The following SMARCA4 variants were observed in gnomAD, a reference collection of about 807,000 sequenced individuals.
SMARCA4 encodes the protein SWI/SNF-related matrix-associated actin-dependent regulator of chromatin subfamily A member 4.
Under a neutral mutation model 193.9 loss-of-function variants are expected in SMARCA4, and 31 were observed. The observed-to-expected ratio is 0.16, with a 90% CI of 0.12 to 0.22. The LOEUF is 0.22. SMARCA4 is among the 10% of genes least tolerant of loss of function. The pLI, the probability that SMARCA4 is intolerant of heterozygous loss-of-function variation, is 1.00. For missense variants in SMARCA4, 1,148 were observed against 2,296.0 expected (o/e 0.50, Z 10.22); for synonymous variants, 942 against 933.1 (o/e 1.01, Z -0.17).
intron 1 of SMARCA4, among the ~76,000 whole-genome samples, chr19:10,962,946 C>A (rs1469557509): frequency 1.3e-5 from 2 of 152,108 alleles, no homozygotes; most frequent in Non-Finnish European, 2.9e-5. Context: ...CCCCCAGCAC[C>A]GTGAGAGCTG....
At chr19:10,964,703 C>T (rs1296125359) in intron 1 of SMARCA4, among the ~76,000 whole-genome samples, 1 of 151,840 alleles carries the variant, frequency 6.6e-6, no homozygotes, top group Non-Finnish European at 1.5e-5. Context: ...CTGCAACCTC[C>T]GCCTCCTGGT....
intron 21 of SMARCA4, 50 bp from the exon 22 acceptor site, chr19:11,025,372 C>A (rs2146493568): frequency 4.6e-6 from 6 of 1,313,246 alleles, no homozygotes; most frequent in Non-Finnish European, 6.6e-6. Context: ...AAGCCCACCC[C>A]ACCCCAGGAG....
Position 11,034,907 on chromosome 19 carries a change from C to G in SMARCA4, c.3952-7C>G. The G allele has an allele frequency of 6.4e-7, 1 of 1,550,732 alleles. No homozygotes were observed. The highest frequency in any genetic ancestry group is 8.7e-7 in the Non-Finnish European group (1 of 1,146,564). ...GATGCCTCTCCCGTTGCCTCCCTGC[C>G]CACCAGCGCATGGACCTGGACCGCA... On this transcript the variant is annotated splice_region_variant and splice_polypyrimidine_tract_variant and intron_variant, in intron 28 of 34. Coordinates refer to ENST00000344626, the MANE Select transcript of SMARCA4 (RefSeq NM_003072.5). This position sits in a 1 kb window ranked among gnomAD's most constrained non-coding sequence, Gnocchi z 7.0.
chr19:10,991,861 G>A (rs2086590277), intron 8 of SMARCA4, among the ~76,000 whole-genome samples: 1 of 152,172 alleles, frequency 6.6e-6, no homozygotes, highest in Non-Finnish European at 1.5e-5. Flanking sequence ...GAGCTGCATG[G>A]AGGATTTGGG....
In SMARCA4 at chr19:10,985,425, C is replaced by T; in HGVS notation, c.355+20C>T. 1 of 1,613,092 alleles carries T rather than the reference C, an allele frequency of 6.2e-7. No individual in the cohort carries two copies. The highest frequency in any genetic ancestry group is 1.1e-5 in the South Asian group (1 of 90,938). On this transcript the variant is annotated intron_variant, in intron 3 of 34. Coordinates refer to ENST00000344626, the MANE Select transcript of SMARCA4 (RefSeq NM_003072.5). This position sits in a 1 kb window ranked among gnomAD's most constrained non-coding sequence, Gnocchi z 4.5. The stretch of plus-strand genomic sequence containing the variant: ...CCCAAGGTACAGAACTGCGTTCCTT[C>T]CTGCCTTGTGTTTGTCATACTCCAG...
chr19:11,019,291 C>G lies in SMARCA4; in HGVS notation c.2505+268C>G, dbSNP rs925425727. 1 of 608,180 alleles carries G rather than the reference C, an allele frequency of 1.6e-6. No individual in the cohort carries two copies. Among genetic ancestry groups the G allele is most frequent in the Non-Finnish European group, 2.9e-6 (1 of 340,522 alleles). The allele number at this position is 608,180 out of a possible 1,614,324, so 37.7% of individuals were successfully genotyped here. On this transcript the variant is annotated intron_variant, in intron 17 of 34. Coordinates refer to ENST00000344626, the MANE Select transcript of SMARCA4 (RefSeq NM_003072.5). The surrounding 1 kb of genome is among the most constrained non-coding windows in gnomAD (Gnocchi z 6.1). ...CAGCTCAGGCGCCTGAGATGGGGAC[C>G]CAGGAAGAGGGGAGCCTGTCAGCCA...
rs1568504470 is a variant in SMARCA4, at chr19:11,030,950, CGA to C, written c.3546+59_3546+60del. On this transcript the variant is annotated intron_variant, in intron 25 of 34. Coordinates refer to ENST00000344626, the MANE Select transcript of SMARCA4 (RefSeq NM_003072.5). This position sits in a 1 kb window ranked among gnomAD's most constrained non-coding sequence, Gnocchi z 5.5. ...AAGGAAGGGGGTGCCTGCAAAACCTCGAGGAGACGGCCCTGGCTTGAGGGTCC... is the reference window on the plus strand; with the variant it reads ...AAGGAAGGGGGTGCCTGCAAAACCTCGGAGACGGCCCTGGCTTGAGGGTCC... The C allele has an allele frequency of 1.3e-6, 2 of 1,526,718 alleles. No homozygotes were observed. Among genetic ancestry groups the C allele is most frequent in the Non-Finnish European group, 1.8e-6 (2 of 1,118,402 alleles). 94.6% of individuals were successfully genotyped at this position (1,526,718 alleles called of 1,614,324 possible). A position where few individuals can be genotyped will look rare whatever the true frequency, so the allele number is the denominator to read the frequency against.
In SMARCA4 at chr19:11,041,436, G is replaced by A. The variant is rs756599243; in HGVS notation, c.4300G>A (p.Asp1434Asn). Residue 1434 changes from aspartate (D) to asparagine (N), a missense_variant, in exon 30 of 35, where the codon GAC becomes AAC. Coordinates refer to ENST00000344626, the MANE Select transcript of SMARCA4 (RefSeq NM_003072.5). The surrounding 1 kb of genome is among the most constrained non-coding windows in gnomAD (Gnocchi z 5.6). ...PTTSTRSRDKDDESKKQKKRG... is the reference protein window; with the variant it reads ...PTTSTRSRDKNDESKKQKKRG... ...CACCAGCACCCGCAGCCGCGACAAG[G>A]ACGACGAGAGCAAGAAGCAGAAGAA... The A allele has an allele frequency of 6.2e-7, 1 of 1,612,620 alleles. No individual in the cohort carries two copies. Among genetic ancestry groups the A allele is most frequent in the Admixed American group, 1.7e-5 (1 of 60,020 alleles).
In SMARCA4 at chr19:10,985,374, C is replaced by T. The variant is rs2145751914; in HGVS notation, c.324C>T (p.Pro108=). The T allele has an allele frequency of 6.2e-7, 1 of 1,613,924 alleles. No homozygotes were observed. Among genetic ancestry groups the T allele is most frequent in the Non-Finnish European group, 8.5e-7 (1 of 1,179,982 alleles). Residue 108 remains proline, a synonymous_variant, in exon 3 of 35, where the codon CCC becomes CCT. Coordinates refer to ENST00000344626, the MANE Select transcript of SMARCA4 (RefSeq NM_003072.5). The surrounding 1 kb of genome is among the most constrained non-coding windows in gnomAD (Gnocchi z 4.5). ...CAGGGGGCCATGCTGGGATGGGGCC[C>T]CCGCCCAGCCCCATGGACCAGCACT... ...MRSGGHAGMG[P]PPSPMDQHSQ...
At chr19:11,024,209 C>T in intron 20 of SMARCA4, 122 bp from the exon 21 acceptor site, 1 of 738,908 alleles carries the variant, frequency 1.4e-6, no homozygotes. Context: ...CTCACCCACA[C>T]CCCAGTGTGC....
Position 11,058,208 on chromosome 19 carries a change from C to T in SMARCA4, c.4425-47C>T, listed in dbSNP as rs1165754122. ...ACCTGCTGAGGTGGGGTGGGGGCTC[C>T]CGGGTGGGCGGACTCGGGGGTGATA... On this transcript the variant is annotated intron_variant, in intron 30 of 34. Transcript: ENST00000344626. This position sits in a 1 kb window ranked among gnomAD's most constrained non-coding sequence, Gnocchi z 5.8. 1 of 1,293,106 alleles carries T rather than the reference C, an allele frequency of 7.7e-7. No homozygotes were observed. Among genetic ancestry groups the T allele is most frequent in the Middle Eastern group, 2.2e-4 (1 of 4,464 alleles). 80.1% of individuals were successfully genotyped at this position (1,293,106 alleles called of 1,614,324 possible).
At chr19:10,976,041 C>T (rs2085097716) in intron 1 of SMARCA4, among the ~76,000 whole-genome samples, 1 of 152,164 alleles carries the variant, frequency 6.6e-6, no homozygotes, top group Non-Finnish European at 1.5e-5. Context: ...TTCATTGCTG[C>T]GTGAATTTCC....
intron 16 of SMARCA4, chr19:11,018,378 C>T (rs944781632): frequency 4.4e-6 from 1 of 225,710 alleles, no homozygotes; most frequent in Non-Finnish European, 9.0e-6. Flanking sequence ...CATGTCCTCC[C>T]TCATTCCAGC....
chr19:11,019,730 C>A lies in SMARCA4; in HGVS notation c.2616+29C>A. ...ACGTGTCCCTGTGGGAAATGCCAGG[C>A]CATGGGCCGAGTGCTCACACGTGGG... On this transcript the variant is annotated intron_variant, in intron 18 of 34. Coordinates refer to ENST00000344626, the MANE Select transcript of SMARCA4 (RefSeq NM_003072.5). This position sits in a 1 kb window ranked among gnomAD's most constrained non-coding sequence, Gnocchi z 6.1. 1.3e-6 allele frequency: 2 copies of A among 1,513,274 alleles called. No individual in the cohort carries two copies. Among genetic ancestry groups the A allele is most frequent in the Non-Finnish European group, 1.8e-6 (2 of 1,090,618 alleles). 93.7% of individuals were successfully genotyped at this position (1,513,274 alleles called of 1,614,324 possible).
chr19:10,986,512 G>A lies in SMARCA4; in HGVS notation c.679G>A (p.Ala227Thr), dbSNP rs769096295. 7.8e-6 allele frequency: 12 copies of A among 1,545,208 alleles called. No individual in the cohort carries two copies. Among genetic ancestry groups the A allele is most frequent in the Non-Finnish European group, 9.6e-6 (11 of 1,146,984 alleles). Residue 227 changes from alanine to threonine, a missense_variant, in exon 4 of 35, where the codon GCA becomes ACA. Physicochemically the swap from Ala to Thr is moderately conservative, Grantham distance 58 (BLOSUM62 0). Coordinates refer to ENST00000344626, the MANE Select transcript of SMARCA4 (RefSeq NM_003072.5). The surrounding 1 kb of genome is among the most constrained non-coding windows in gnomAD (Gnocchi z 6.7). ...MPTLPPPSVS[A>T]TGPGPGPGPG... ...AACGCTACCTCCACCCTCGGTGTCC[G>A]CAACAGGACCCGGCCCTGGCCCTGG...
At chr19:10,964,009 T>G (rs1054001395) in intron 1 of SMARCA4, among the ~76,000 whole-genome samples, 4 of 152,164 alleles carry the variant, frequency 2.6e-5, no homozygotes, top group Admixed American at 1.3e-4. Context: ...CCTAAAATCA[T>G]TTTGTGTCCA....
At chr19:11,015,388 G>A (rs972965847) in intron 16 of SMARCA4, among the ~76,000 whole-genome samples, 4 of 152,170 alleles carry the variant, frequency 2.6e-5, no homozygotes, top group Non-Finnish European at 5.9e-5. Context: ...GCTTGACGCT[G>A]TTGAATCCTG....
intron 21 of SMARCA4, among the ~76,000 whole-genome samples, chr19:11,024,802 C>T (rs1006575037): frequency 1.3e-5 from 2 of 152,152 alleles, no homozygotes; most frequent in South Asian, 4.1e-4. Context: ...CAGGCCCCAC[C>T]TGCCTGGCTC....
rs2145781361 is a variant in SMARCA4, at chr19:10,986,470, A to T, written c.637A>T (p.Met213Leu). ...GCAGGGCAAGCGGCCGATGCCCGGG[A>T]TGCAGCAGCAGATGCCAACGCTACC... The part of the protein sequence containing the change: ...AVQGKRPMPG[M>L]QQQMPTLPPP... Residue 213 changes from methionine (M) to leucine (L), a missense_variant, in exon 4 of 35, where the codon ATG becomes TTG. Coordinates refer to ENST00000344626, the MANE Select transcript of SMARCA4 (RefSeq NM_003072.5). The surrounding 1 kb of genome is among the most constrained non-coding windows in gnomAD (Gnocchi z 6.7). The T allele has an allele frequency of 6.4e-7, 1 of 1,554,936 alleles. No homozygotes were observed. The highest frequency in any genetic ancestry group is 1.2e-5 in the South Asian group (1 of 84,602).
Sources: gnomAD v4.1 joint callset for allele counts (sites outside exome capture counted in the v4.1 genomes callset) on GRCh38, gnomAD v4.1.1 for gene constraint, Gnocchi (gnomAD v3.1) non-coding constraint, MANE v1.5 for transcripts, NCBI Gene and HGNC (gene_info 2026-07-23, HGNC 2026-07-21) for gene names.